GBF1: variants seen among roughly 807,000 people sequenced by gnomAD.
GBF1 encodes Golgi-specific brefeldin A-resistance guanine nucleotide exchange factor 1.
GBF1 carries 114 observed loss-of-function variants against 210.5 expected under a neutral mutation model. The ratio of observed to expected loss-of-function variants is 0.54; its 90% CI spans 0.47 to 0.63. The LOEUF is 0.63. GBF1 is among the 30% of genes least tolerant of loss of function. GBF1 has a pLI of 0.00. For missense variants in GBF1, 1,851 were observed against 2,357.7 expected (o/e 0.79, Z 4.45); for synonymous variants, 850 against 889.2 (o/e 0.96, Z 0.78).
chr10:102,362,051 T>C (rs1318530486), intron 14 of GBF1, 139 bp downstream of exon 14: 1 of 62,408 alleles, frequency 1.6e-5, no homozygotes, highest in African/African-American at 7.0e-5. Context: ...TTTTCTTTTC[T>C]TTTTTTTTTT....
intron 3 of GBF1, among the ~76,000 whole-genome samples, chr10:102,338,407 AT>A (rs1366688959): frequency 7.9e-5 from 12 of 150,990 alleles, no homozygotes; most frequent in East Asian, 3.9e-4. Context: ...CACCAGGCTA[AT>A]TTTTTTTGTA....
At chr10:102,263,068 A>T (rs2073432729) in intron 3 of GBF1, among the ~76,000 whole-genome samples, 1 of 152,222 alleles carries the variant, frequency 6.6e-6, no homozygotes, top group Admixed American at 6.5e-5. Context: ...ATGACAGAAT[A>T]GACCTAAAAT....
At chr10:102,238,197 G>A in the GBF1 span, among the ~76,000 whole-genome samples, 592 of 152,248 alleles carry the variant, frequency 3.9e-3, 3 homozygotes, top group Non-Finnish European at 6.5e-3. Context: ...CCCTGGCAGT[G>A]GCCATGGACA....
chr10:102,242,906 G>A (rs907885435), upstream of GBF1, among the ~76,000 whole-genome samples: 6 of 136,860 alleles, frequency 4.4e-5, no homozygotes, highest in East Asian at 2.1e-4. Context: ...TCCAGACTGG[G>A]CGACAGAGCA....
chr10:102,255,510 G>T (rs1201991792), intron 1 of GBF1, among the ~76,000 whole-genome samples: 2 of 152,162 alleles, frequency 1.3e-5, no homozygotes, highest in Non-Finnish European at 2.9e-5. Flanking sequence ...AGGTAAAAAA[G>T]AATATACAGA....
chr10:102,283,314 C>T (rs923674957), intron 3 of GBF1, among the ~76,000 whole-genome samples: 1 of 152,136 alleles, frequency 6.6e-6, no homozygotes, highest in African/African-American at 2.4e-5. Context: ...GACTATTGCC[C>T]TCTTCTAGTT....
intron 3 of GBF1, among the ~76,000 whole-genome samples, chr10:102,336,878 T>C (rs912685779): frequency 9.2e-5 from 14 of 152,308 alleles, no homozygotes; most frequent in African/African-American, 3.4e-4. Flanking sequence ...GGGTATGGTT[T>C]AATCTCTGAG....
intron 3 of GBF1, among the ~76,000 whole-genome samples, chr10:102,287,356 T>A (rs1336958219): frequency 3.0e-4 from 40 of 135,518 alleles, no homozygotes; most frequent in African/African-American, 7.5e-4. Flanking sequence ...TTTTTTTTTT[T>A]TTTTTTTTTT....
At chr10:102,347,359 T>C (rs935004098) in intron 4 of GBF1, among the ~76,000 whole-genome samples, 1 of 152,192 alleles carries the variant, frequency 6.6e-6, no homozygotes, top group Non-Finnish European at 1.5e-5. Flanking sequence ...CTTCATACTT[T>C]TCCTAAACAA....
chr10:102,357,945 G>A lies in GBF1; in HGVS notation c.640-94G>A, dbSNP rs149465631. On this transcript the variant is annotated intron_variant, in intron 8 of 39. Transcript: ENST00000369983. ...TTAGCAAAGATATGGGGTATAGCTTGTTTTCTAGAGATCAGTAGGACTAAA... is the reference window on the plus strand; with the variant it reads ...TTAGCAAAGATATGGGGTATAGCTTATTTTCTAGAGATCAGTAGGACTAAA... The A allele has an allele frequency of 7.0e-6, 6 of 853,028 alleles. No homozygotes were observed. In the East Asian group the frequency reaches 1.4e-4, roughly 21 times the overall value. 52.8% of individuals were successfully genotyped at this position (853,028 alleles called of 1,614,324 possible).
At chr10:102,247,927 T>C (rs921428722) in intron 1 of GBF1, among the ~76,000 whole-genome samples, 3 of 152,196 alleles carry the variant, frequency 2.0e-5, no homozygotes, top group Non-Finnish European at 4.4e-5. Flanking sequence ...TACTATTTTA[T>C]TTCCCTCTTT....
At chr10:102,260,926 T>C (rs948003496) in intron 3 of GBF1, among the ~76,000 whole-genome samples, 3 of 152,296 alleles carry the variant, frequency 2.0e-5, no homozygotes, top group Non-Finnish European at 4.4e-5. Context: ...TTGCCCCCTA[T>C]TTTCCTAATC....
chr10:102,320,773 A>G (rs2056316309), intron 3 of GBF1, among the ~76,000 whole-genome samples: 1 of 151,352 alleles, frequency 6.6e-6, no homozygotes, highest in Non-Finnish European at 1.5e-5. Context: ...CTTATTATAT[A>G]TTTTAGTTTT....
intron 4 of GBF1, among the ~76,000 whole-genome samples, chr10:102,349,095 G>C (rs2058764707): frequency 1.3e-5 from 2 of 151,968 alleles, no homozygotes; most frequent in South Asian, 2.1e-4. Context: ...GCAGCAGTGA[G>C]CCATGATTGC....
chr10:102,380,694 G>T lies in GBF1; in HGVS notation c.5173+8G>T. ...AGCAGACCGTCATCCAGGGTAGGGG[G>T]CTCAGCCCAGCTTTATCAAAAAGAG... On this transcript the variant is annotated splice_region_variant and intron_variant, in intron 38 of 39. Coordinates refer to ENST00000369983, the MANE Select transcript of GBF1 (RefSeq NM_001377137.1). The T allele has an allele frequency of 6.3e-7, 1 of 1,594,204 alleles. No homozygotes were observed. The highest frequency in any genetic ancestry group is 1.1e-5 in the South Asian group (1 of 88,414).
intron 29 of GBF1, among the ~76,000 whole-genome samples, chr10:102,373,184 G>A (rs547723572): frequency 5.3e-5 from 8 of 152,284 alleles, no homozygotes; most frequent in Admixed American, 4.6e-4. Context: ...ATTATTAATA[G>A]AAAATGGACA....
Position 102,366,584 on chromosome 10 carries a change from C to CTTTTTT in GBF1, c.2433+93_2433+98dup, listed in dbSNP as rs397968996. 8 of 642,664 alleles carry CTTTTTT rather than the reference C, an allele frequency of 1.2e-5. No individual in the cohort carries two copies. The highest frequency in any genetic ancestry group is 9.0e-5 in the African/African-American group (4 of 44,358). 39.8% of individuals were successfully genotyped at this position (642,664 alleles called of 1,614,324 possible). On this transcript the variant is annotated intron_variant, in intron 19 of 39. Transcript: ENST00000369983. This position sits in a 1 kb window ranked among gnomAD's most constrained non-coding sequence, Gnocchi z 4.0. Reference sequence around the variant, plus strand: ...GGGCTGAAGAATCCAGCTGCTGTCTCTTTTTTTTTTTTTTTTTTTTGAGAC... The same window carrying CTTTTTT: ...GGGCTGAAGAATCCAGCTGCTGTCTCTTTTTTTTTTTTTTTTTTTTTTTTTTGAGAC...
chr10:102,342,203 A>T (rs1233879192), intron 3 of GBF1, among the ~76,000 whole-genome samples: 1 of 151,454 alleles, frequency 6.6e-6, no homozygotes, highest in Non-Finnish European at 1.5e-5. Flanking sequence ...CACCCAGCTA[A>T]TTTTTTTGTA....
At chr10:102,351,720 G>T in intron 5 of GBF1, 123 bp from the exon 6 acceptor site, 1 of 655,686 alleles carries the variant, frequency 1.5e-6, no homozygotes. Flanking sequence ...CCAAGGACAA[G>T]CTTCTTGGAG....
Sources: gnomAD v4.1 joint callset for allele counts (sites outside exome capture counted in the v4.1 genomes callset) on GRCh38, gnomAD v4.1.1 for gene constraint, Gnocchi (gnomAD v3.1) non-coding constraint, MANE v1.5 for transcripts, NCBI Gene and HGNC (gene_info 2026-07-23, HGNC 2026-07-21) for gene names.